CFAP221: variants seen among roughly 807,000 people sequenced by gnomAD.
CFAP221 encodes the protein cilia and flagella associated protein 221.
CFAP221 carries 97 observed loss-of-function variants against 113.1 expected under a neutral mutation model. The observed-to-expected ratio is 0.86, with a 90% confidence interval of 0.73 to 1.02. The LOEUF is 1.02. CFAP221 is among the 50% of genes least tolerant of loss of function. The pLI is 0.00. For synonymous variants in CFAP221, 331 were observed against 354.4 expected (o/e 0.93, Z 0.74); for missense variants, 1,025 against 1,013.4 (o/e 1.01, Z -0.16).
intron 11 of CFAP221, among the ~76,000 whole-genome samples, chr2:119,605,612 C>T (rs944672120): frequency 2.6e-5 from 4 of 152,194 alleles, no homozygotes; most frequent in Non-Finnish European, 5.9e-5. Flanking sequence ...CATCATCCTC[C>T]ACCTCACCAG....
chr2:119,582,117 G>T (rs566446972), intron 6 of CFAP221, among the ~76,000 whole-genome samples: 2 of 152,210 alleles, frequency 1.3e-5, no homozygotes, highest in African/African-American at 4.8e-5. Context: ...GTTTATTTAC[G>T]TAAGAATTTC....
At chr2:119,557,376 T>C (rs1358776142) in intron 3 of CFAP221, 2 of 152,248 alleles carry the variant, frequency 1.3e-5, no homozygotes, top group Admixed American at 1.3e-4. Context: ...CCAGCTGCAG[T>C]TCCTAGTGGG....
rs567199253 is a variant in CFAP221, at chr2:119,646,860, C to T, written c.2226-98C>T. On this transcript the variant is annotated intron_variant, in intron 21 of 23. Coordinates refer to ENST00000413369, the MANE Select transcript of CFAP221 (RefSeq NM_001271049.2). ...AGGGAGGACAGAGTAGTAGAGGCCT[C>T]GCCAGCAGTAAAATAAAAATTCTTT... is the stretch of plus-strand genomic sequence containing the variant. 122 of 1,088,210 alleles carry T rather than the reference C, an allele frequency of 1.1e-4. No homozygotes were observed. The East Asian group carries it at 2.8e-3, about 25-fold the overall frequency. 67.4% of individuals were successfully genotyped at this position (1,088,210 alleles called of 1,614,324 possible).
intron 7 of CFAP221, among the ~76,000 whole-genome samples, chr2:119,598,555 T>C (rs1413113228): frequency 6.6e-6 from 1 of 152,242 alleles, no homozygotes; most frequent in Non-Finnish European, 1.5e-5. Flanking sequence ...TGATCTGAAA[T>C]TGACCAGATG....
intron 21 of CFAP221, among the ~76,000 whole-genome samples, chr2:119,642,335 G>A (rs987478135): frequency 2.0e-5 from 3 of 152,056 alleles, no homozygotes; most frequent in Admixed American, 6.5e-5. Flanking sequence ...GTCTTAGTTC[G>A]TTTGGGCAGC....
At chr2:119,558,417 G>C (rs895038377) in intron 3 of CFAP221, among the ~76,000 whole-genome samples, 2 of 152,194 alleles carry the variant, frequency 1.3e-5, no homozygotes, top group Admixed American at 6.5e-5. Flanking sequence ...GAAACTTTTT[G>C]TTTGGGCTTT....
chr2:119,611,620 C>G (rs913089024), intron 12 of CFAP221, 33 bp from the exon 13 acceptor site: 7 of 1,556,294 alleles, frequency 4.5e-6, no homozygotes, highest in Non-Finnish European at 6.1e-6. Context: ...CATTTATATT[C>G]AACTTAAATT....
intron 3 of CFAP221, among the ~76,000 whole-genome samples, chr2:119,558,999 C>G (rs1365850363): frequency 6.6e-6 from 1 of 152,216 alleles, no homozygotes; most frequent in African/African-American, 2.4e-5. Flanking sequence ...ACTTCAGAAA[C>G]CAAAGGTCTC....
chr2:119,614,645 G>T (rs949314494), intron 13 of CFAP221, among the ~76,000 whole-genome samples: 1 of 152,154 alleles, frequency 6.6e-6, no homozygotes, highest in Non-Finnish European at 1.5e-5. Flanking sequence ...CTGCCCTCAC[G>T]ATTCAATTAT....
chr2:119,565,794 C>T lies in CFAP221; in HGVS notation c.527+3680C>T, dbSNP rs139403583. Among the ~76,000 whole-genome samples, 560 of 152,310 alleles carry T rather than the reference C, an allele frequency of 3.7e-3. 8 individuals carry two copies. The highest frequency in any genetic ancestry group is 0.013 in the African/African-American group (537 of 41,564). ...TTTTAACTACTCAAACTGTCCTATG[C>T]TACATTCAATCCAAAATGTGTGGTA... On this transcript the variant is annotated intron_variant, in intron 6 of 23. Coordinates refer to ENST00000413369, the MANE Select transcript of CFAP221 (RefSeq NM_001271049.2).
chr2:119,603,439 C>T (rs2104669687), intron 8 of CFAP221, among the ~76,000 whole-genome samples: 1 of 152,230 alleles, frequency 6.6e-6, no homozygotes, highest in East Asian at 1.9e-4. Flanking sequence ...CACCAAGGGA[C>T]ACGTTCTCCC....
intron 7 of CFAP221, among the ~76,000 whole-genome samples, chr2:119,588,504 A>G (rs561119372): frequency 1.3e-5 from 2 of 152,356 alleles, no homozygotes; most frequent in Admixed American, 6.5e-5. Context: ...TTGAAACACA[A>G]CCTATTCAAA....
intron 14 of CFAP221, among the ~76,000 whole-genome samples, chr2:119,622,392 A>G (rs1314504987): frequency 2.6e-5 from 4 of 152,176 alleles, no homozygotes; most frequent in East Asian, 1.9e-4. Flanking sequence ...ACCAACCAAA[A>G]AAAAGCCCAG....
intron 7 of CFAP221, 68 bp downstream of exon 7, chr2:119,587,290 A>G (rs1683290415): frequency 8.5e-7 from 1 of 1,173,008 alleles, no homozygotes; most frequent in Admixed American, 2.7e-5. Flanking sequence ...ATATTTTCAA[A>G]CACATATCAG....
chr2:119,615,705 G>A lies in CFAP221; in HGVS notation c.1406G>A (p.Arg469His), dbSNP rs368923748. The change falls in exon 14 of 24, where the codon CGC becomes CAC. Residue 469 changes from arginine (R) to histidine (H), a missense_variant. Transcript: ENST00000413369. The part of the protein sequence containing the change: ...RAQKRFQQVA[R>H]KVMIQGRLFN... ...CAAAAACGGTTTCAACAAGTAGCACGCAAGGTAAGTCTCAGCACCAGCTGG... is the reference window on the plus strand; with the variant it reads ...CAAAAACGGTTTCAACAAGTAGCACACAAGGTAAGTCTCAGCACCAGCTGG... 20 of 1,606,430 alleles carry A rather than the reference G, an allele frequency of 1.2e-5. No homozygotes were observed. The highest frequency in any genetic ancestry group is 1.6e-4 in the Middle Eastern group (1 of 6,072).
rs10689517 is a variant in CFAP221 at position 119,611,420 on chromosome 2, C to CAAAA, written c.1222-216_1222-213dup. On this transcript the variant is annotated intron_variant, in intron 12 of 23. Coordinates refer to ENST00000413369, the MANE Select transcript of CFAP221 (RefSeq NM_001271049.2). ...CCTGGGTGACAGAGCGAGACAACGT[C>CAAAA]AAAAAAAAAAAAAAAAAAAAGGAGG... 2.5e-4 allele frequency among the ~76,000 whole-genome samples: 28 copies of CAAAA among 113,346 alleles called. 8 individuals are homozygous for CAAAA. Among genetic ancestry groups the CAAAA allele is most frequent in the Admixed American group, 4.6e-4 (5 of 10,920 alleles). The allele number at this position is 113,346 out of a possible 152,430, so 74.4% of individuals were successfully genotyped here.
At chr2:119,624,642 T>C (rs182682965) in intron 14 of CFAP221, among the ~76,000 whole-genome samples, 3 of 152,268 alleles carry the variant, frequency 2.0e-5, no homozygotes, top group African/African-American at 4.8e-5. Context: ...AATGATAGAC[T>C]GAATAAAGAA....
intron 2 of CFAP221, among the ~76,000 whole-genome samples, chr2:119,546,775 C>G (rs931521018): frequency 6.6e-6 from 1 of 152,238 alleles, no homozygotes. Context: ...CATGAGGTTC[C>G]TTCCTGTCCT....
chr2:119,638,664 G>C (rs1687271413), intron 20 of CFAP221, among the ~76,000 whole-genome samples: 2 of 152,114 alleles, frequency 1.3e-5, no homozygotes, highest in African/African-American at 4.8e-5. Context: ...CCTCTGGAAG[G>C]CTGCACCTAA....
Sources: allele counts gnomAD v4.1 joint callset (sites outside exome capture counted in the v4.1 genomes callset), GRCh38; gene constraint gnomAD v4.1.1; transcripts MANE v1.5; gene names NCBI Gene and HGNC (gene_info 2026-07-23, HGNC 2026-07-21).